Variants in MYO5A observed in about 807,000 individuals in gnomAD.
MYO5A encodes myosin VA.
MYO5A carries 98 observed loss-of-function variants against 249.7 expected under a neutral mutation model. The ratio of observed to expected loss-of-function variants is 0.39; its 90% CI spans 0.33 to 0.46. MYO5A has a LOEUF of 0.46. MYO5A is among the 20% of genes least tolerant of loss of function. The pLI, the probability that MYO5A is intolerant of heterozygous loss-of-function variation, is 0.98. For missense variants in MYO5A, 1,696 were observed against 2,308.8 expected (o/e 0.73, Z 5.44); for synonymous variants, 778 against 810.6 (o/e 0.96, Z 0.68).
At chr15:52,518,264 CAAAAAAAAA>C (rs36190580) in intron 1 of MYO5A, among the ~76,000 whole-genome samples, 4 of 107,824 alleles carry the variant, frequency 3.7e-5, no homozygotes, top group Non-Finnish European at 3.8e-5. Context: ...ACCCCTCCCA[CAAAAAAAAA>C]AAAAAAAAAA....
At chr15:52,346,301 G>C in intron 30 of MYO5A, 60 bp downstream of exon 30, 1 of 1,025,940 alleles carries the variant, frequency 9.7e-7, no homozygotes, top group South Asian at 1.3e-5. Context: ...CAAGAGGCTG[G>C]CTTGAAGGCT....
intron 25 of MYO5A, 35 bp from the exon 26 acceptor site, chr15:52,354,049 AG>A: frequency 6.2e-7 from 1 of 1,612,726 alleles, no homozygotes; most frequent in Non-Finnish European, 8.5e-7. Context: ...GGTCAAGACA[AG>A]CCAGAAGACA....
At position 52,376,416 on chromosome 15, in the gene MYO5A, T is replaced by G. The variant is rs751380178; in HGVS notation, c.2351A>C (p.Lys784Thr). 1 of 1,614,184 alleles carries G rather than the reference T, an allele frequency of 6.2e-7. No individual in the cohort carries two copies. ...QKTIRGWLLRKKYLRMRKAAI... is the reference protein window; with the variant it reads ...QKTIRGWLLRTKYLRMRKAAI... ...TGCCTTCCGCATGCGTAGGTACTTC[T>G]TTCTCAGCAGCCACCCTCGGATGGT... Residue 784 changes from lysine (K) to threonine (T), a missense_variant, in exon 19 of 42, where the codon AAG becomes ACG. Transcript: ENST00000399233.
chr15:52,408,585 A>T (rs904808936), intron 6 of MYO5A, among the ~76,000 whole-genome samples: 1 of 152,218 alleles, frequency 6.6e-6, no homozygotes, highest in Non-Finnish European at 1.5e-5. Flanking sequence ...TATTTGTAGG[A>T]AAGTCACAAA....
Position 52,311,546 on chromosome 15 carries a change from ATTAC to A in MYO5A, c.*2146_*2149del, listed in dbSNP as rs1302728552. On this transcript the variant is annotated 3_prime_UTR_variant, in exon 42 of 42. Transcript: ENST00000399233. ...TAAAGCAATACATGATGTAATAAAA[ATTAC>A]TTAAACTAATTATAATACAAATATA... 6.6e-6 allele frequency: 1 copy of A among 152,168 alleles called. No homozygotes were observed. The highest frequency in any genetic ancestry group is 2.4e-5 in the African/African-American group (1 of 41,414). The allele number at this position is 152,168 out of a possible 1,614,324, so 9.4% of individuals were successfully genotyped here.
rs2075386193 is a variant in MYO5A, at chr15:52,425,992, G to A, written c.311-18C>T. On this transcript the variant is annotated intron_variant, in intron 3 of 41. Transcript: ENST00000399233. ...GACTATACCTGGGAATAGGGTAGGG[G>A]ACAAGAAAGAAAAAGAAGTCAATGA... 2 of 1,608,920 alleles carry A rather than the reference G, an allele frequency of 1.2e-6. No homozygotes were observed. Among genetic ancestry groups the A allele is most frequent in the Admixed American group, 1.7e-5 (1 of 59,950 alleles).
At chr15:52,358,551 C>T (rs971835804) in intron 25 of MYO5A, among the ~76,000 whole-genome samples, 3 of 152,112 alleles carry the variant, frequency 2.0e-5, no homozygotes, top group African/African-American at 7.2e-5. Flanking sequence ...CAGAATGCAG[C>T]AGAACTAACA....
In MYO5A at chr15:52,420,373, T is replaced by TA. The variant is rs2043729693; in HGVS notation, c.456-4073dup. On this transcript the variant is annotated intron_variant, in intron 4 of 41. Coordinates refer to ENST00000399233, the MANE Select transcript of MYO5A (RefSeq NM_001382347.1). ...CCTCATGGATGGATTTATGCAGTCA[T>TA]AATGGAAGTGGGTTAGTTACTGCAG... Among the ~76,000 whole-genome samples, 3 of 150,734 alleles carry TA rather than the reference T, an allele frequency of 2.0e-5. No individual in the cohort carries two copies. In the South Asian group the frequency reaches 6.4e-4, roughly 32 times the overall value.
chr15:52,509,604 C>T (rs1394702527), intron 1 of MYO5A, among the ~76,000 whole-genome samples: 1 of 152,208 alleles, frequency 6.6e-6, no homozygotes, highest in East Asian at 1.9e-4. Flanking sequence ...CAAATGTTTG[C>T]TTGCTAGGTC....
chr15:52,331,665 C>T (rs2038893773), intron 34 of MYO5A: 1 of 985,302 alleles, frequency 1.0e-6, no homozygotes, highest in South Asian at 4.7e-5. Flanking sequence ...AAGCCAGTCC[C>T]ACAGGAAGAG....
chr15:52,420,333 T>A (rs998779396), intron 4 of MYO5A, among the ~76,000 whole-genome samples: 5 of 148,960 alleles, frequency 3.4e-5, no homozygotes, highest in African/African-American at 1.2e-4. Context: ...GGTGACTAGG[T>A]CGTGAGGGCT....
intron 1 of MYO5A, among the ~76,000 whole-genome samples, chr15:52,441,663 G>A (rs927111226): frequency 1.3e-5 from 2 of 152,126 alleles, no homozygotes; most frequent in African/African-American, 4.8e-5. Context: ...CTGTGTTCAA[G>A]TGCCACCTCC....
Position 52,410,410 on chromosome 15 carries a change from C to G in MYO5A, c.679G>C (p.Gly227Arg). 1.2e-6 allele frequency: 2 copies of G among 1,613,324 alleles called. No homozygotes were observed. The highest frequency in any genetic ancestry group is 1.7e-6 in the Non-Finnish European group (2 of 1,179,364). ...SSRFGKYIEI[G>R]FDKRYRIIGA... ...ATGATTCGATATCTCTTATCAAAAC[C>G]AATCTCAATATACTTCCCAAAACGG... The change falls in exon 6 of 42, where the codon GGT becomes CGT. Residue 227 changes from glycine to arginine, a missense_variant. This residue lies in a region of MYO5A where 197 missense variants were observed against 320.3 expected (regional missense o/e 0.62). Coordinates refer to ENST00000399233, the MANE Select transcript of MYO5A (RefSeq NM_001382347.1).
chr15:52,497,367 T>C (rs559078013), intron 1 of MYO5A, among the ~76,000 whole-genome samples: 5 of 151,902 alleles, frequency 3.3e-5, no homozygotes, highest in African/African-American at 1.2e-4. Flanking sequence ...TTGTTCACAG[T>C]GAAATTATGC....
intron 1 of MYO5A, among the ~76,000 whole-genome samples, chr15:52,437,180 G>A (rs1227954886): frequency 4.6e-5 from 7 of 152,208 alleles, no homozygotes; most frequent in Non-Finnish European, 1.0e-4. Context: ...CCTTACTCAT[G>A]TAATAAATAT....
chr15:52,464,286 C>T (rs961978107), intron 1 of MYO5A, among the ~76,000 whole-genome samples: 1 of 152,246 alleles, frequency 6.6e-6, no homozygotes, highest in East Asian at 1.9e-4. Context: ...AACAGCAACT[C>T]ACTGGGGTCT....
rs1174631051 is a variant in MYO5A at position 52,393,452 on chromosome 15, G to A, written c.1402-1382C>T. ...TCTGTCACCCAGGCTGGAGTGCAGTGGCACAGTCTGGGCTCACTGCAACCT... is the reference window on the plus strand; with the variant it reads ...TCTGTCACCCAGGCTGGAGTGCAGTAGCACAGTCTGGGCTCACTGCAACCT... On this transcript the variant is annotated intron_variant, in intron 11 of 41. Coordinates refer to ENST00000399233, the MANE Select transcript of MYO5A (RefSeq NM_001382347.1). Among the ~76,000 whole-genome samples the A allele has an allele frequency of 1.1e-4, 16 of 151,212 alleles. No homozygotes were observed. The South Asian group carries it at 3.1e-3, about 30-fold the overall frequency.
intron 27 of MYO5A, among the ~76,000 whole-genome samples, chr15:52,352,324 T>G (rs546632649): frequency 6.6e-6 from 1 of 152,326 alleles, no homozygotes; most frequent in African/African-American, 2.4e-5. Flanking sequence ...GAAACACAGA[T>G]GCAGACAGGC....
chr15:52,528,494 C>T (rs2077765406), intron 1 of MYO5A, among the ~76,000 whole-genome samples: 1 of 152,236 alleles, frequency 6.6e-6, no homozygotes, highest in Non-Finnish European at 1.5e-5. Flanking sequence ...CCACATGGGC[C>T]CCCTTTCCAC....
Sources: allele counts gnomAD v4.1 joint callset (sites outside exome capture counted in the v4.1 genomes callset), GRCh38; gene constraint gnomAD v4.1.1; regional missense constraint gnomAD v4.1.1; transcripts MANE v1.5; gene names NCBI Gene and HGNC (gene_info 2026-07-23, HGNC 2026-07-21).